Variants in ZBTB38 observed in about 807,000 individuals in gnomAD.
ZBTB38 encodes the protein zinc finger and BTB domain containing 38, also known as zinc finger and BTB domain-containing protein 38.
ZBTB38 carries 20 observed loss-of-function variants against 76.8 expected under a neutral mutation model. The observed-to-expected ratio is 0.26, with a 90% CI of 0.18 to 0.38. The LOEUF (loss-of-function observed/expected upper bound fraction) is 0.38, where lower values mean the gene tolerates loss of function less well. ZBTB38 is among the 10% of genes least tolerant of loss of function. The pLI, the probability that ZBTB38 is intolerant of heterozygous loss-of-function variation, is 1.00. For synonymous variants in ZBTB38, 504 were observed against 544.2 expected (o/e 0.93, Z 1.03); for missense variants, 1,082 against 1,482.3 (o/e 0.73, Z 4.43).
At chr3:141,414,277 G>A (rs2073399708) in intron 5 of ZBTB38, among the ~76,000 whole-genome samples, 2 of 152,168 alleles carry the variant, frequency 1.3e-5, no homozygotes, top group Admixed American at 6.5e-5. Context: ...TCTGCAGGCC[G>A]AATGGAGCCT....
At chr3:141,419,134 G>C (rs1049087376) in intron 5 of ZBTB38, among the ~76,000 whole-genome samples, 1 of 152,200 alleles carries the variant, frequency 6.6e-6, no homozygotes, top group African/African-American at 2.4e-5. Flanking sequence ...ATGGCAGAAG[G>C]TAAAGGGGAA....
At chr3:141,345,495 T>G (rs1943325905) in intron 1 of ZBTB38, among the ~76,000 whole-genome samples, 1 of 152,106 alleles carries the variant, frequency 6.6e-6, no homozygotes, top group African/African-American at 2.4e-5. Flanking sequence ...TCTCCTAGAC[T>G]TTTCTTTTCT....
chr3:141,360,715 G>A (rs930568202), intron 1 of ZBTB38, among the ~76,000 whole-genome samples: 1 of 152,122 alleles, frequency 6.6e-6, no homozygotes, highest in African/African-American at 2.4e-5. Context: ...CGACTTACTG[G>A]ACCAGATAGT....
chr3:141,443,069 C>T lies in ZBTB38; in HGVS notation c.681C>T (p.Ser227=), dbSNP rs747449180. Residue 227 remains serine, a synonymous_variant, in exon 6 of 6, where the codon TCC becomes TCT. Coordinates refer to ENST00000321464, the MANE Select transcript of ZBTB38 (RefSeq NM_001376113.1). The surrounding 1 kb of genome is among the most constrained non-coding windows in gnomAD (Gnocchi z 5.6). ...TLAEHSYAVS[S]VAEAYRSQPV... ...CCGAGCACTCATACGCTGTTTCTTC[C>T]GTAGCTGAAGCTTACAGAAGTCAGC... 24 of 1,614,224 alleles carry T rather than the reference C, an allele frequency of 1.5e-5. No homozygotes were observed. Among genetic ancestry groups the T allele is most frequent in the East Asian group, 6.7e-5 (3 of 44,886 alleles).
chr3:141,428,060 C>T (rs2076735024), intron 5 of ZBTB38, among the ~76,000 whole-genome samples: 1 of 152,226 alleles, frequency 6.6e-6, no homozygotes, highest in Non-Finnish European at 1.5e-5. Flanking sequence ...CTCAGATCAT[C>T]CTGGCAACTG....
rs1171361920 is a variant in ZBTB38 at position 141,447,091 on chromosome 3, G to C, written c.*1115G>C. On this transcript the variant is annotated 3_prime_UTR_variant, in exon 6 of 6. Coordinates refer to ENST00000321464, the MANE Select transcript of ZBTB38 (RefSeq NM_001376113.1). ...AATTCCCAGGCACTTGAAAGTGACT[G>C]CCTAATCCCTACAATTACTAGCCTT... 6.6e-6 allele frequency: 1 copy of C among 152,436 alleles called. No homozygotes were observed. Among genetic ancestry groups the C allele is most frequent in the African/African-American group, 2.4e-5 (1 of 41,436 alleles). The allele number at this position is 152,436 out of a possible 1,614,324, so 9.4% of individuals were successfully genotyped here.
At chr3:141,341,902 T>C (rs1342498104) in intron 1 of ZBTB38, among the ~76,000 whole-genome samples, 2 of 151,954 alleles carry the variant, frequency 1.3e-5, no homozygotes, top group Admixed American at 1.3e-4. Flanking sequence ...TGGTTTGATA[T>C]GATACTATGG....
intron 1 of ZBTB38, among the ~76,000 whole-genome samples, chr3:141,335,478 T>C (rs1431057956): frequency 2.6e-5 from 4 of 152,126 alleles, no homozygotes; most frequent in Non-Finnish European, 5.9e-5. Flanking sequence ...GAAAACAAAA[T>C]AAGAAGTGTG....
intron 4 of ZBTB38, chr3:141,390,104 C>T (rs1268191854): frequency 3.9e-5 from 6 of 152,258 alleles, no homozygotes; most frequent in East Asian, 1.9e-4. Context: ...TATATTACTT[C>T]GTTGTGTTTC....
At position 141,448,968 on chromosome 3, in the gene ZBTB38, T is replaced by C. The variant is rs1475354117; in HGVS notation, c.*2992T>C. The C allele has an allele frequency of 6.6e-6, 1 of 152,218 alleles. No individual in the cohort carries two copies. Among genetic ancestry groups the C allele is most frequent in the African/African-American group, 2.4e-5 (1 of 41,448 alleles). The allele number at this position is 152,218 out of a possible 1,614,324, so 9.4% of individuals were successfully genotyped here. ...TGATAAATCAGAGAATGAAATGCTC[T>C]CCAGGAAGCATTCTGCTCCACTCAT... On this transcript the variant is annotated 3_prime_UTR_variant, in exon 6 of 6. Transcript: ENST00000321464.
chr3:141,393,279 CT>C (rs1392086069), intron 4 of ZBTB38, among the ~76,000 whole-genome samples: 1 of 152,232 alleles, frequency 6.6e-6, no homozygotes, highest in Admixed American at 6.5e-5. Context: ...CCCACCCTGT[CT>C]GAGGCCTTGC....
At chr3:141,398,790 C>T (rs189639710) in intron 4 of ZBTB38, among the ~76,000 whole-genome samples, 1 of 152,110 alleles carries the variant, frequency 6.6e-6, no homozygotes, top group Non-Finnish European at 1.5e-5. Context: ...CTAGACCACA[C>T]CAACAAAGAA....
At chr3:141,418,976 G>A (rs936498452) in intron 5 of ZBTB38, among the ~76,000 whole-genome samples, 1 of 152,234 alleles carries the variant, frequency 6.6e-6, no homozygotes, top group Non-Finnish European at 1.5e-5. Flanking sequence ...TGTTGGTAAA[G>A]ATAGCTAACC....
chr3:141,375,175 TC>T (rs1945184640), intron 2 of ZBTB38, among the ~76,000 whole-genome samples: 1 of 152,244 alleles, frequency 6.6e-6, no homozygotes, highest in African/African-American at 2.4e-5. Flanking sequence ...TTTTAGATTT[TC>T]CTTTAACTGT....
intron 4 of ZBTB38, chr3:141,389,213 T>A (rs2149299749): frequency 6.6e-6 from 1 of 152,342 alleles, no homozygotes; most frequent in South Asian, 2.1e-4. Context: ...CAAAACCATC[T>A]GTGTAAATGG....
intron 5 of ZBTB38, among the ~76,000 whole-genome samples, chr3:141,436,927 C>T (rs185349280): frequency 6.6e-6 from 1 of 152,292 alleles, no homozygotes; most frequent in African/African-American, 2.4e-5. Context: ...TTACAGTGGG[C>T]CTCCTTTGGT....
In ZBTB38 at chr3:141,445,445, C is replaced by T; in HGVS notation, c.3057C>T (p.Phe1019=). The change falls in exon 6 of 6, where the codon TTC becomes TTT. Residue 1019 remains phenylalanine (F), a synonymous_variant. Transcript: ENST00000321464. This position sits in a 1 kb window ranked among gnomAD's most constrained non-coding sequence, Gnocchi z 6.5. ...PYACELCAKQ[F]QSPSTLKMHM... The stretch of plus-strand genomic sequence containing the variant: ...CCTGCGAGCTCTGCGCCAAGCAGTT[C>T]CAGAGCCCTTCCACACTCAAAATGC... 3 of 1,614,182 alleles carry T rather than the reference C, an allele frequency of 1.9e-6. No homozygotes were observed. Among genetic ancestry groups the T allele is most frequent in the Non-Finnish European group, 2.5e-6 (3 of 1,180,032 alleles).
chr3:141,339,186 T>C (rs2148899959), intron 1 of ZBTB38, among the ~76,000 whole-genome samples: 1 of 152,126 alleles, frequency 6.6e-6, no homozygotes, highest in African/African-American at 2.4e-5. Context: ...TCAGGAAACA[T>C]AAAAAGGCTG....
At chr3:141,429,544 G>A (rs2077050153) in intron 5 of ZBTB38, among the ~76,000 whole-genome samples, 1 of 152,216 alleles carries the variant, frequency 6.6e-6, no homozygotes, top group South Asian at 2.1e-4. Context: ...GCTGCGGCCT[G>A]GAGATACAGC....
Sources: allele counts gnomAD v4.1 joint callset (sites outside exome capture counted in the v4.1 genomes callset), GRCh38; gene constraint gnomAD v4.1.1; non-coding constraint Gnocchi (gnomAD v3.1); transcripts MANE v1.5; gene names NCBI Gene and HGNC (gene_info 2026-07-23, HGNC 2026-07-21).